The following ARFGEF3 variants were observed in gnomAD, a reference collection of about 807,000 sequenced individuals.
ARFGEF3 encodes brefeldin A-inhibited guanine nucleotide-exchange protein 3.
A neutral mutation model predicts 221.7 loss-of-function variants in ARFGEF3; 96 were observed. The ratio of observed to expected loss-of-function variants is 0.43; its 90% CI spans 0.37 to 0.51. The LOEUF (loss-of-function observed/expected upper bound fraction) is 0.51, where lower values mean the gene tolerates loss of function less well. ARFGEF3 is among the 20% of genes least tolerant of loss of function. The pLI is 0.00. For synonymous variants in ARFGEF3, 1,145 were observed against 1,126.8 expected (o/e 1.02, Z -0.32); for missense variants, 2,410 against 2,789.9 (o/e 0.86, Z 3.07).
intron 2 of ARFGEF3, among the ~76,000 whole-genome samples, chr6:138,200,242 A>G (rs1207187677): frequency 2.0e-5 from 3 of 152,138 alleles, no homozygotes; most frequent in African/African-American, 7.2e-5. Flanking sequence ...GATCATGACC[A>G]TGCTGCCAAA....
At position 138,213,928 on chromosome 6, in the gene ARFGEF3, G is replaced by A. The variant is rs190823345; in HGVS notation, c.351+3887G>A. ...CTTGATGGTAACCTGACTTTGATAG[G>A]TCACAAGTGAGGGCTCCATAATCAT... On this transcript the variant is annotated intron_variant, in intron 4 of 33. Coordinates refer to ENST00000251691, the MANE Select transcript of ARFGEF3 (RefSeq NM_020340.5). 3.9e-5 allele frequency among the ~76,000 whole-genome samples: 6 copies of A among 152,232 alleles called. No homozygotes were observed. The South Asian group carries it at 1.0e-3, about 26-fold the overall frequency.
chr6:138,181,054 C>T (rs779701571), intron 2 of ARFGEF3, among the ~76,000 whole-genome samples: 1 of 152,172 alleles, frequency 6.6e-6, no homozygotes, highest in African/African-American at 2.4e-5. Context: ...GGGCTATCTG[C>T]CAGTTGTAAG....
Position 138,301,697 on chromosome 6 carries a change from C to A in ARFGEF3, c.3828+2912C>A, listed in dbSNP as rs145411223. 2.2e-3 allele frequency among the ~76,000 whole-genome samples: 336 copies of A among 152,236 alleles called. 1 individual carries two copies. Among genetic ancestry groups the A allele is most frequent in the African/African-American group, 7.6e-3 (317 of 41,532 alleles). On this transcript the variant is annotated intron_variant, in intron 22 of 33. Transcript: ENST00000251691. ...CATGTACAGGGGAGATTGTAAAGAT[C>A]TCATCAGAAAATAAAAGGGAGATAA...
intron 12 of ARFGEF3, among the ~76,000 whole-genome samples, chr6:138,274,518 A>T (rs184774616): frequency 4.6e-4 from 70 of 151,632 alleles, no homozygotes; most frequent in African/African-American, 1.7e-3. Flanking sequence ...ACCTCAGCCT[A>T]GCAAGGCGTG....
chr6:138,189,823 T>TA (rs893887501), intron 2 of ARFGEF3, among the ~76,000 whole-genome samples: 1 of 152,142 alleles, frequency 6.6e-6, no homozygotes, highest in African/African-American at 2.4e-5. Context: ...CTCATGCCTG[T>TA]AATCTCAGCA....
At chr6:138,313,330 C>CT (rs1779863887) in intron 25 of ARFGEF3, among the ~76,000 whole-genome samples, 1 of 152,174 alleles carries the variant, frequency 6.6e-6, no homozygotes, top group Non-Finnish European at 1.5e-5. Flanking sequence ...TGGTCCCAGC[C>CT]TCCTTCATTT....
At chr6:138,171,896 T>C (rs1355555682) in intron 2 of ARFGEF3, among the ~76,000 whole-genome samples, 1 of 152,208 alleles carries the variant, frequency 6.6e-6, no homozygotes, top group Non-Finnish European at 1.5e-5. Context: ...TATTGTTTAA[T>C]AACACTTGGG....
intron 27 of ARFGEF3, among the ~76,000 whole-genome samples, chr6:138,318,140 A>G (rs775262832): frequency 6.6e-6 from 1 of 152,170 alleles, no homozygotes; most frequent in Admixed American, 6.5e-5. Flanking sequence ...ATCTATAGCA[A>G]AGTTTATATT....
chr6:138,220,953 C>T (rs1479882208), intron 4 of ARFGEF3, among the ~76,000 whole-genome samples: 2 of 152,180 alleles, frequency 1.3e-5, no homozygotes, highest in African/African-American at 4.8e-5. Context: ...GACTATGCCT[C>T]ATGTATCGGA....
Position 138,193,070 on chromosome 6 carries a change from T to C in ARFGEF3, c.138-13972T>C, listed in dbSNP as rs560675824. On this transcript the variant is annotated intron_variant, in intron 2 of 33. Coordinates refer to ENST00000251691, the MANE Select transcript of ARFGEF3 (RefSeq NM_020340.5). ...TAAAGGTTAGTTTCTCTGAATGGTA[T>C]GCAAGACCCTTCAAAAGCTGGCTCA... Among the ~76,000 whole-genome samples the C allele has an allele frequency of 1.1e-4, 16 of 152,346 alleles. No individual in the cohort carries two copies. In the South Asian group the frequency reaches 3.3e-3, roughly 32 times the overall value.
At chr6:138,274,908 G>C (rs984845103) in intron 12 of ARFGEF3, among the ~76,000 whole-genome samples, 1 of 150,976 alleles carries the variant, frequency 6.6e-6, no homozygotes, top group African/African-American at 2.4e-5. Flanking sequence ...GGGAATTCTA[G>C]ACCAACCTGA....
intron 2 of ARFGEF3, among the ~76,000 whole-genome samples, chr6:138,178,624 T>C (rs1777002895): frequency 6.6e-6 from 1 of 152,330 alleles, no homozygotes; most frequent in East Asian, 1.9e-4. Context: ...AAGGAGCTCA[T>C]CTAGACAAAT....
At chr6:138,220,467 A>T (rs1451130303) in intron 4 of ARFGEF3, among the ~76,000 whole-genome samples, 1 of 152,188 alleles carries the variant, frequency 6.6e-6, no homozygotes, top group African/African-American at 2.4e-5. Flanking sequence ...AATACAGAAT[A>T]CTTCCTGTAT....
intron 3 of ARFGEF3, 36 bp from the exon 4 acceptor site, chr6:138,209,874 G>C (rs1353572148): frequency 1.2e-6 from 2 of 1,610,240 alleles, no homozygotes; most frequent in Admixed American, 3.3e-5. Context: ...GCAGGGGAGA[G>C]CCTATCTGTG....
chr6:138,211,583 A>G (rs1777728442), intron 4 of ARFGEF3, among the ~76,000 whole-genome samples: 1 of 152,196 alleles, frequency 6.6e-6, no homozygotes. Flanking sequence ...TTCTTCTATT[A>G]GGGCTCCAAA....
At chr6:138,331,120 A>G (rs1285842582) in intron 32 of ARFGEF3, among the ~76,000 whole-genome samples, 6 of 152,260 alleles carry the variant, frequency 3.9e-5, no homozygotes, top group Non-Finnish European at 7.3e-5. Context: ...CAAGTTATAA[A>G]TAAAACATAG....
Position 138,298,722 on chromosome 6 carries a change from A to C in ARFGEF3, c.3765A>C (p.Ala1255=), listed in dbSNP as rs1779568360. 6.2e-7 allele frequency: 1 copy of C among 1,613,190 alleles called. No homozygotes were observed. The change falls in exon 22 of 34, where the codon GCA becomes GCC. Residue 1255 remains alanine, a synonymous_variant. Coordinates refer to ENST00000251691, the MANE Select transcript of ARFGEF3 (RefSeq NM_020340.5). ...CACCTCATTTTCACTTCAATGAAGC[A>C]CTCTTCCGACCTTTCGAGCGCATTA... ...NEPPHFHFNE[A]LFRPFERIMQ...
At chr6:138,288,977 G>A (rs936457602) in intron 17 of ARFGEF3, among the ~76,000 whole-genome samples, 4 of 151,852 alleles carry the variant, frequency 2.6e-5, no homozygotes, top group Non-Finnish European at 5.9e-5. Flanking sequence ...TTTTGAGACC[G>A]AGTTTCACTC....
chr6:138,290,229 GAGAA>G (rs1419135688), intron 18 of ARFGEF3, among the ~76,000 whole-genome samples: 1 of 152,198 alleles, frequency 6.6e-6, no homozygotes, highest in African/African-American at 2.4e-5. Flanking sequence ...ATTTTTATGA[GAGAA>G]GGAAGGAAGA....
Sources: allele counts gnomAD v4.1 joint callset (sites outside exome capture counted in the v4.1 genomes callset), GRCh38; gene constraint gnomAD v4.1.1; transcripts MANE v1.5; gene names NCBI Gene and HGNC (gene_info 2026-07-23, HGNC 2026-07-21).